The following DOP1B variants were observed in gnomAD, a reference collection of about 807,000 sequenced individuals.
DOP1B encodes the protein DOP1 leucine zipper like protein B.
DOP1B carries 174 observed loss-of-function variants against 233.5 expected under a neutral mutation model. That is an observed-to-expected ratio of 0.75 (90% confidence interval 0.66 to 0.85). DOP1B has a LOEUF of 0.85. Among genes scored for constraint, DOP1B ranks in the 40% least tolerant of loss-of-function variants. The pLI, the probability that DOP1B is intolerant of heterozygous loss-of-function variation, is 0.00. For synonymous variants in DOP1B, 1,190 were observed against 1,185.6 expected, an observed-to-expected ratio of 1.00 and a Z score of -0.08; for missense variants, 2,652 against 2,846.6, an observed-to-expected ratio of 0.93 and a Z score of 1.56.
intron 2 of DOP1B, among the ~76,000 whole-genome samples, chr21:36,186,906 G>T (rs1407867188): frequency 1.3e-5 from 2 of 152,088 alleles, no homozygotes; most frequent in Admixed American, 6.5e-5. Flanking sequence ...TCGGACCCAG[G>T]CCTGCCACTC....
At chr21:36,271,541 G>A (rs1601469531) in intron 27 of DOP1B, among the ~76,000 whole-genome samples, 2 of 152,072 alleles carry the variant, frequency 1.3e-5, no homozygotes, top group African/African-American at 4.8e-5. Flanking sequence ...CAAAGTGCTG[G>A]TATTACAGGC....
In DOP1B at chr21:36,227,823, C is replaced by T; in HGVS notation, c.1611C>T (p.Ser537=). ...HALKTCFKVL[S]KVQMPPSYLD... is the part of the protein sequence containing the mutation. ...TGAAGACGTGTTTCAAGGTGCTCAG[C>T]AAAGTCCAGATGCCTCCTTCCTACC... Residue 537 remains serine, a synonymous_variant, in exon 13 of 37, where the codon AGC becomes AGT. Transcript: ENST00000691173. The T allele has an allele frequency of 6.2e-7, 1 of 1,613,010 alleles. No homozygotes were observed. The highest frequency in any genetic ancestry group is 2.2e-5 in the East Asian group (1 of 44,844).
chr21:36,220,964 C>A (rs2066616538), intron 10 of DOP1B, among the ~76,000 whole-genome samples: 1 of 151,992 alleles, frequency 6.6e-6, no homozygotes, highest in Non-Finnish European at 1.5e-5. Context: ...GCACACACAA[C>A]CACACCTGGC....
At chr21:36,263,684 T>C (rs1253078069) in intron 25 of DOP1B, 34 bp downstream of exon 25, 2 of 1,613,238 alleles carry the variant, frequency 1.2e-6, no homozygotes, top group Non-Finnish European at 1.7e-6. Flanking sequence ...TGTGTAATAT[T>C]TTCTCTTGGC....
intron 9 of DOP1B, among the ~76,000 whole-genome samples, chr21:36,217,447 G>A (rs921712171): frequency 6.6e-6 from 1 of 152,180 alleles, no homozygotes; most frequent in African/African-American, 2.4e-5. Flanking sequence ...AAAGACTAAG[G>A]TTGGGTGGGA....
intron 2 of DOP1B, among the ~76,000 whole-genome samples, chr21:36,185,629 C>A (rs1184972389): frequency 6.6e-6 from 1 of 152,180 alleles, no homozygotes; most frequent in Admixed American, 6.6e-5. Context: ...TTGAGGGCAA[C>A]ATGTAACAAT....
At chr21:36,272,409 G>C (rs1264796300) in intron 27 of DOP1B, among the ~76,000 whole-genome samples, 1 of 152,106 alleles carries the variant, frequency 6.6e-6, no homozygotes, top group Non-Finnish European at 1.5e-5. Context: ...CAGGACTTTG[G>C]GAGGCCAAGG....
chr21:36,170,801 CAA>C (rs750146188), intron 2 of DOP1B, among the ~76,000 whole-genome samples: 52 of 117,580 alleles, frequency 4.4e-4, no homozygotes, highest in Non-Finnish European at 5.6e-4. Context: ...AACCCTGTTT[CAA>C]AAAAAAAAAA....
chr21:36,291,443 C>G (rs1017572039), intron 35 of DOP1B, among the ~76,000 whole-genome samples: 1 of 152,018 alleles, frequency 6.6e-6, no homozygotes, highest in Non-Finnish European at 1.5e-5. Context: ...TGCCTGTAAT[C>G]CCAGCTACTC....
intron 10 of DOP1B, among the ~76,000 whole-genome samples, chr21:36,222,258 C>G (rs2066633672): frequency 3.3e-5 from 5 of 151,912 alleles, no homozygotes; most frequent in Non-Finnish European, 7.4e-5. Context: ...GGATAAATTT[C>G]TTGAATAAAT....
chr21:36,237,232 C>A lies in DOP1B; in HGVS notation c.2623-30C>A, dbSNP rs755014856. 5.6e-6 allele frequency: 9 copies of A among 1,613,666 alleles called. No homozygotes were observed. In the Admixed American group the frequency reaches 8.3e-5, roughly 15 times the overall value. On this transcript the variant is annotated intron_variant, in intron 15 of 36. Coordinates refer to ENST00000691173, the MANE Select transcript of DOP1B (RefSeq NM_001320714.2). ...CGGATGTTGCCTGTGTTGACCTGGT[C>A]CCCCACCGCCTGCCTTTTCCTTGTC...
intron 1 of DOP1B, among the ~76,000 whole-genome samples, chr21:36,162,806 A>G (rs1392321828): frequency 2.0e-5 from 3 of 152,042 alleles, no homozygotes; most frequent in African/African-American, 4.8e-5. Context: ...TGGCCTCTCA[A>G]AAGTGCTGAG....
At chr21:36,278,584 C>T (rs570120900) in intron 30 of DOP1B, among the ~76,000 whole-genome samples, 2 of 152,116 alleles carry the variant, frequency 1.3e-5, no homozygotes, top group Admixed American at 6.6e-5. Flanking sequence ...ATGTTATTTC[C>T]TGGCTGGGCA....
chr21:36,164,697 T>C lies in DOP1B; in HGVS notation c.-26-11T>C, dbSNP rs2065893200. ...GCTCTCTCATTTGGTTATTTTTTGATTTGCTTTTAGATACTTTTCTGCTGT... is the reference window on the plus strand; with the variant it reads ...GCTCTCTCATTTGGTTATTTTTTGACTTGCTTTTAGATACTTTTCTGCTGT... On this transcript the variant is annotated splice_polypyrimidine_tract_variant and intron_variant, in intron 1 of 36. Coordinates refer to ENST00000691173, the MANE Select transcript of DOP1B (RefSeq NM_001320714.2). 6.5e-7 allele frequency: 1 copy of C among 1,527,160 alleles called. No homozygotes were observed. The highest frequency in any genetic ancestry group is 2.4e-5 in the East Asian group (1 of 41,278). The allele number at this position is 1,527,160 out of a possible 1,614,324, so 94.6% of individuals were successfully genotyped here.
At chr21:36,286,181 G>A (rs1388728938) in intron 32 of DOP1B, among the ~76,000 whole-genome samples, 1 of 152,068 alleles carries the variant, frequency 6.6e-6, no homozygotes, top group Non-Finnish European at 1.5e-5. Flanking sequence ...TTACGTCTTT[G>A]GGGGCTGGGA....
chr21:36,257,723 TAG>T (rs2067120140), intron 23 of DOP1B, among the ~76,000 whole-genome samples: 1 of 150,414 alleles, frequency 6.6e-6, no homozygotes, highest in Non-Finnish European at 1.5e-5. Flanking sequence ...GGTAGGTAGG[TAG>T]GTAGATAGAT....
chr21:36,208,576 C>T, intron 4 of DOP1B, 139 bp from the exon 5 acceptor site: 1 of 849,408 alleles, frequency 1.2e-6, no homozygotes, highest in Non-Finnish European at 1.8e-6. Context: ...ATGGCAGCGG[C>T]TCCCGGCGAT....
At position 36,245,895 on chromosome 21, in the gene DOP1B, G is replaced by T. The variant is rs750658066; in HGVS notation, c.3915G>T (p.Val1305=). Reference sequence around the variant, plus strand: ...AGCTCCAGACCCAGGTCCCCAACGTGTGCCCCCACTCTCTGCTCCTGGAGC... The same window carrying T: ...AGCTCCAGACCCAGGTCCCCAACGTTTGCCCCCACTCTCTGCTCCTGGAGC... ...YGKLQTQVPN[V]CPHSLLLELL... The change falls in exon 19 of 37, where the codon GTG becomes GTT. Residue 1305 remains valine (V), a synonymous_variant. Transcript: ENST00000691173. The surrounding 1 kb of genome is among the most constrained non-coding windows in gnomAD (Gnocchi z 5.5). The T allele has an allele frequency of 1.2e-6, 2 of 1,613,710 alleles. No homozygotes were observed. Among genetic ancestry groups the T allele is most frequent in the Admixed American group, 1.7e-5 (1 of 59,998 alleles).
At chr21:36,286,011 CAAA>C (rs56184279) in intron 32 of DOP1B, among the ~76,000 whole-genome samples, 1 of 137,256 alleles carries the variant, frequency 7.3e-6, no homozygotes. Context: ...GACTCCATCT[CAAA>C]AAAAAAAAAG....
Sources: gnomAD v4.1 joint callset for allele counts (sites outside exome capture counted in the v4.1 genomes callset) on GRCh38, gnomAD v4.1.1 for gene constraint, Gnocchi (gnomAD v3.1) non-coding constraint, MANE v1.5 for transcripts, NCBI Gene and HGNC (gene_info 2026-07-23, HGNC 2026-07-21) for gene names.